Variants in LAMA1 observed in about 807,000 individuals in gnomAD.
LAMA1 encodes laminin subunit alpha 1, also known as laminin subunit alpha-1.
A neutral mutation model predicts 348.7 loss-of-function variants in LAMA1; 219 were observed. That is an observed-to-expected ratio of 0.63 (90% CI 0.56 to 0.70). The LOEUF (loss-of-function observed/expected upper bound fraction) is 0.70. Among genes scored for constraint, LAMA1 ranks in the 30% least tolerant of loss-of-function variants. LAMA1 has a pLI of 0.00. For missense variants in LAMA1, 3,744 were observed against 3,888.0 expected (o/e 0.96, Z 0.99); for synonymous variants, 1,487 against 1,491.0 (o/e 1.00, Z 0.06).
chr18:7,035,372 A>T (rs139676385), intron 13 of LAMA1, among the ~76,000 whole-genome samples: 1 of 152,110 alleles, frequency 6.6e-6, no homozygotes, highest in African/African-American at 2.4e-5. Flanking sequence ...GGAAGAAGAG[A>T]CTTCAAAAAG....
chr18:7,039,635 A>G (rs2058011542), intron 10 of LAMA1, among the ~76,000 whole-genome samples: 1 of 152,364 alleles, frequency 6.6e-6, no homozygotes, highest in East Asian at 1.9e-4. Flanking sequence ...TTGGTTGAAC[A>G]TAGTCATAGA....
intron 60 of LAMA1, among the ~76,000 whole-genome samples, chr18:6,947,787 A>G (rs2057528865): frequency 6.6e-6 from 1 of 152,300 alleles, no homozygotes; most frequent in East Asian, 1.9e-4. Context: ...AGGTGATAAA[A>G]AAGCCGAGGA....
intron 23 of LAMA1, among the ~76,000 whole-genome samples, chr18:7,013,224 T>C (rs976866443): frequency 2.0e-5 from 3 of 151,998 alleles, no homozygotes; most frequent in Non-Finnish European, 2.9e-5. Flanking sequence ...GGCCATGATA[T>C]GTACATGAGT....
In LAMA1 at chr18:6,999,964, G is replaced by A. The variant is rs12970643; in HGVS notation, c.4416C>T (p.His1472=). The change falls in exon 31 of 63, where the codon CAC becomes CAT. Residue 1472 remains histidine (H), a synonymous_variant. Coordinates refer to ENST00000389658, the MANE Select transcript of LAMA1 (RefSeq NM_005559.4). ...GGAGACAGGCGTCACAACGGAAATCGTGGTCCCCTTCCAAGACACAAGTGG... is the reference window on the plus strand; with the variant it reads ...GGAGACAGGCGTCACAACGGAAATCATGGTCCCCTTCCAAGACACAAGTGG... ...FSPTCVLEGD[H]DFRCDACLLG... is the part of the protein sequence containing the mutation. 142,410 of 1,612,966 alleles carry A rather than the reference G, an allele frequency of 0.088. 7,004 individuals are homozygous for A. The highest frequency in any genetic ancestry group is 0.16 in the African/African-American group (11,742 of 74,918).
At position 7,011,508 on chromosome 18, in the gene LAMA1, C is replaced by T. The variant is rs745568181; in HGVS notation, c.3508-29G>A. 10 of 1,576,696 alleles carry T rather than the reference C, an allele frequency of 6.3e-6. No homozygotes were observed. In the South Asian group the frequency reaches 9.3e-5, roughly 15 times the overall value. ...AACCACGAAAGGAGGGGAAAGTGCA[C>T]TTCAAAATGCGAACTTTCCACTCCA... On this transcript the variant is annotated intron_variant, in intron 24 of 62. Coordinates refer to ENST00000389658, the MANE Select transcript of LAMA1 (RefSeq NM_005559.4).
At position 7,065,494 on chromosome 18, in the gene LAMA1, T is replaced by A. The variant is rs571764594; in HGVS notation, c.345+14481A>T. 2.6e-5 allele frequency among the ~76,000 whole-genome samples: 4 copies of A among 152,144 alleles called. No individual in the cohort carries two copies. In the East Asian group the frequency reaches 7.8e-4, roughly 29 times the overall value. On this transcript the variant is annotated intron_variant, in intron 3 of 62. Transcript: ENST00000389658. The stretch of plus-strand genomic sequence containing the variant: ...CAGCACTTTGGGAGGCCAAGGTAGG[T>A]GAATCACTTATCACTTGAGGCCAGG...
Position 7,112,640 on chromosome 18 carries a change from C to T in LAMA1, c.61+5020G>A, listed in dbSNP as rs200545380. Among the ~76,000 whole-genome samples, 412 of 90,854 alleles carry T rather than the reference C, an allele frequency of 4.5e-3. 4 individuals carry two copies. Among genetic ancestry groups the T allele is most frequent in the Admixed American group, 0.037 (245 of 6,550 alleles). The allele number at this position is 90,854 out of a possible 152,430, so 59.6% of individuals were successfully genotyped here. ...TATATGTATTTTATATATATATATA[C>T]ATTTTTTTTTTTTGAGACAGAGTTT... On this transcript the variant is annotated intron_variant, in intron 1 of 62. Transcript: ENST00000389658.
At chr18:6,965,164 G>A in intron 50 of LAMA1, 124 bp downstream of exon 50, 1 of 1,256,258 alleles carries the variant, frequency 8.0e-7, no homozygotes, top group Non-Finnish European at 1.2e-6. Flanking sequence ...GACAACACTG[G>A]CTTCCAAGTA....
intron 54 of LAMA1, 83 bp from the exon 55 acceptor site, chr18:6,958,745 G>T: frequency 8.5e-7 from 1 of 1,181,868 alleles, no homozygotes; most frequent in Non-Finnish European, 1.2e-6. Flanking sequence ...ATTCCCACAA[G>T]TTCTCACTGA....
At chr18:7,073,356 T>C (rs2058153691) in intron 3 of LAMA1, among the ~76,000 whole-genome samples, 2 of 152,154 alleles carry the variant, frequency 1.3e-5, no homozygotes, top group African/African-American at 4.8e-5. Context: ...ATCACTACCA[T>C]CTATCTCCAG....
intron 22 of LAMA1, among the ~76,000 whole-genome samples, chr18:7,015,134 CA>C (rs1197590806): frequency 3.3e-5 from 5 of 152,208 alleles, no homozygotes; most frequent in African/African-American, 7.2e-5. Context: ...AGGCGTGAGC[CA>C]CCGCACCCAG....
At chr18:7,059,841 T>C (rs1395793657) in intron 3 of LAMA1, among the ~76,000 whole-genome samples, 1 of 152,242 alleles carries the variant, frequency 6.6e-6, no homozygotes, top group Non-Finnish European at 1.5e-5. Context: ...AAAAGAGATT[T>C]AGATGAACAG....
At chr18:6,946,132 C>T (rs1023704095) in intron 61 of LAMA1, among the ~76,000 whole-genome samples, 1 of 152,006 alleles carries the variant, frequency 6.6e-6, no homozygotes, top group African/African-American at 2.4e-5. Context: ...ACATGTTCTA[C>T]ATTAAAAAAA....
intron 6 of LAMA1, 107 bp downstream of exon 6, chr18:7,046,171 A>T: frequency 1.4e-6 from 1 of 719,004 alleles, no homozygotes. Context: ...TTTGGAGCAT[A>T]ATTTTATACC....
chr18:7,033,825 C>T (rs1253885195), intron 14 of LAMA1, among the ~76,000 whole-genome samples: 1 of 152,024 alleles, frequency 6.6e-6, no homozygotes, highest in Non-Finnish European at 1.5e-5. Context: ...ACGTGCACCT[C>T]CTGGGTTCAA....
intron 60 of LAMA1, 146 bp from the exon 61 acceptor site, chr18:6,947,442 C>T: frequency 1.1e-6 from 1 of 898,160 alleles, no homozygotes; most frequent in Non-Finnish European, 1.8e-6. Context: ...CACTCCTGCC[C>T]TCTGAGCCTC....
chr18:7,035,129 T>C (rs1057144421), intron 13 of LAMA1, among the ~76,000 whole-genome samples: 2 of 152,184 alleles, frequency 1.3e-5, no homozygotes, highest in African/African-American at 4.8e-5. Flanking sequence ...TGAAGATAGC[T>C]CCAGGTGAAA....
chr18:6,995,766 A>C (rs2057778637), intron 33 of LAMA1, among the ~76,000 whole-genome samples: 1 of 152,238 alleles, frequency 6.6e-6, no homozygotes, highest in African/African-American at 2.4e-5. Context: ...ATTTAACTAT[A>C]ATTGCAACAC....
At chr18:7,070,643 T>C (rs7240767) in intron 3 of LAMA1, among the ~76,000 whole-genome samples, 76,142 of 151,854 alleles carry the variant, frequency 0.5, 21,053 homozygotes, top group African/African-American at 0.73. Context: ...AAACAAAGGC[T>C]CCTCTGTGAT....
Sources: gnomAD v4.1 joint callset for allele counts (sites outside exome capture counted in the v4.1 genomes callset) on GRCh38, gnomAD v4.1.1 for gene constraint, MANE v1.5 for transcripts, NCBI Gene and HGNC (gene_info 2026-07-23, HGNC 2026-07-21) for gene names.